IMPG1: variants seen among roughly 807,000 people sequenced by gnomAD.
The protein encoded by IMPG1 is interphotoreceptor matrix proteoglycan of 150 kDa.
Under a neutral mutation model 92.0 loss-of-function variants are expected in IMPG1, and 85 were observed. The observed-to-expected ratio is 0.92, with a 90% confidence interval of 0.78 to 1.11. The LOEUF is 1.11. IMPG1 is among the 50% of genes least tolerant of loss of function. The pLI is 0.00. For missense variants in IMPG1, 1,022 were observed against 956.0 expected (o/e 1.07, Z -0.91); for synonymous variants, 367 against 334.1 (o/e 1.10, Z -1.08).
At chr6:75,979,597 A>T (rs978606610) in intron 12 of IMPG1, among the ~76,000 whole-genome samples, 1 of 152,302 alleles carries the variant, frequency 6.6e-6, no homozygotes, top group East Asian at 1.9e-4. Context: ...TCTACTAACA[A>T]TCTCCTTCTC....
chr6:76,032,905 G>A (rs1476369244), intron 4 of IMPG1, among the ~76,000 whole-genome samples: 2 of 152,196 alleles, frequency 1.3e-5, no homozygotes, highest in Non-Finnish European at 2.9e-5. Flanking sequence ...AGGTCAGGAG[G>A]TGAAAGGTCT....
intron 12 of IMPG1, among the ~76,000 whole-genome samples, chr6:75,967,683 C>G (rs1234657156): frequency 6.6e-6 from 1 of 151,832 alleles, no homozygotes. Flanking sequence ...GAAAACAAAA[C>G]AAAACAAAAA....
rs79766540 is a variant in IMPG1 at position 75,950,871 on chromosome 6, G to A, written c.1515C>T (p.Asp505=). 15 of 1,613,886 alleles carry A rather than the reference G, an allele frequency of 9.3e-6. No individual in the cohort carries two copies. In the East Asian group the frequency reaches 3.3e-4, roughly 36 times the overall value. The change falls in exon 13 of 17, where the codon GAC becomes GAT. Residue 505 remains aspartate, a synonymous_variant. Transcript: ENST00000369950. ...CTTCGCCACCTGCACTTGATCGGCT[G>A]TCATCTGAAGATGCAGGTGGATGTG... ...GISHPPASSD[D]SRSSAGGEDM...
At chr6:76,018,931 T>G in intron 6 of IMPG1, 73 bp from the exon 7 acceptor site, 1 of 1,345,766 alleles carries the variant, frequency 7.4e-7, no homozygotes, top group Non-Finnish European at 1.0e-6. Flanking sequence ...AGATAATATA[T>G]GTTGATACTG....
chr6:76,003,580 A>G (rs549217663), intron 11 of IMPG1, among the ~76,000 whole-genome samples: 19 of 152,284 alleles, frequency 1.2e-4, no homozygotes, highest in African/African-American at 4.1e-4. Context: ...GTTCATGAAA[A>G]TTTGTTTGTT....
At chr6:75,962,212 C>T (rs1782222585) in intron 12 of IMPG1, among the ~76,000 whole-genome samples, 1 of 152,068 alleles carries the variant, frequency 6.6e-6, no homozygotes, top group South Asian at 2.1e-4. Flanking sequence ...CTTAAACTCC[C>T]TGTCTCAAGC....
intron 1 of IMPG1, among the ~76,000 whole-genome samples, chr6:76,048,690 CCTCT>C (rs1198566899): frequency 1.3e-5 from 2 of 152,126 alleles, no homozygotes; most frequent in Non-Finnish European, 2.9e-5. Context: ...TTAAAAAAAT[CCTCT>C]CTCTATAGCA....
Position 76,018,863 on chromosome 6 carries a change from G to C in IMPG1, c.667-5C>G. 1.3e-6 allele frequency: 2 copies of C among 1,512,848 alleles called. No homozygotes were observed. Among genetic ancestry groups the C allele is most frequent in the Admixed American group, 2.2e-5 (1 of 45,212 alleles). 93.7% of individuals were successfully genotyped at this position (1,512,848 alleles called of 1,614,324 possible). On this transcript the variant is annotated splice_polypyrimidine_tract_variant and splice_region_variant and intron_variant, in intron 6 of 16. Transcript: ENST00000369950. ...AGCGAATTCTGTTTCTCTTTCCTGA[G>C]TTTAAAAAAAAAAAAAAGGACTTCT...
intron 12 of IMPG1, among the ~76,000 whole-genome samples, chr6:75,955,456 T>C (rs2149459393): frequency 6.6e-6 from 1 of 152,340 alleles, no homozygotes; most frequent in East Asian, 1.9e-4. Flanking sequence ...TTTTTGCACA[T>C]TGATTTTGTA....
intron 12 of IMPG1, among the ~76,000 whole-genome samples, chr6:75,996,859 TC>T (rs1217296922): frequency 7.9e-5 from 12 of 152,108 alleles, no homozygotes; most frequent in Admixed American, 2.0e-4. Context: ...ATTATGGAAA[TC>T]TAGACTGTTC....
At chr6:76,032,896 G>A (rs929389739) in intron 4 of IMPG1, among the ~76,000 whole-genome samples, 1 of 152,170 alleles carries the variant, frequency 6.6e-6, no homozygotes, top group African/African-American at 2.4e-5. Flanking sequence ...AAGTTGGAAA[G>A]GTCAGGAGGT....
intron 1 of IMPG1, among the ~76,000 whole-genome samples, chr6:76,069,030 A>G (rs1299237984): frequency 6.6e-6 from 1 of 152,136 alleles, no homozygotes; most frequent in East Asian, 1.9e-4. Context: ...GTACTGATAT[A>G]AAAAGATATA....
chr6:75,996,357 T>G (rs1782902085), intron 12 of IMPG1, among the ~76,000 whole-genome samples: 1 of 152,210 alleles, frequency 6.6e-6, no homozygotes, highest in Non-Finnish European at 1.5e-5. Context: ...CACTATTATC[T>G]GAATATGTAC....
At chr6:75,951,284 C>T (rs1317183055) in intron 12 of IMPG1, among the ~76,000 whole-genome samples, 190 bp from the exon 13 acceptor site, 1 of 151,586 alleles carries the variant, frequency 6.6e-6, no homozygotes, top group Non-Finnish European at 1.5e-5. Flanking sequence ...TATGTCCCAA[C>T]CTAGGGAGAC....
chr6:75,961,204 C>A (rs1782208649), intron 12 of IMPG1, among the ~76,000 whole-genome samples: 1 of 152,144 alleles, frequency 6.6e-6, no homozygotes. Context: ...TATGCTGAAC[C>A]ATAAGCATCA....
chr6:75,922,625 T>G (rs1781448980), intron 16 of IMPG1, among the ~76,000 whole-genome samples: 1 of 152,214 alleles, frequency 6.6e-6, no homozygotes, highest in Non-Finnish European at 1.5e-5. Context: ...TATCACTTCC[T>G]TTTATTTATT....
At chr6:76,069,343 G>T (rs1347706161) in intron 1 of IMPG1, among the ~76,000 whole-genome samples, 1 of 152,042 alleles carries the variant, frequency 6.6e-6, no homozygotes, top group South Asian at 2.1e-4. Context: ...GAACTCAAAA[G>T]CAAATGTAAC....
chr6:76,005,711 A>C (rs1783084480), intron 9 of IMPG1, among the ~76,000 whole-genome samples, 177 bp from the exon 10 acceptor site: 1 of 152,244 alleles, frequency 6.6e-6, no homozygotes, highest in African/African-American at 2.4e-5. Flanking sequence ...AATATGAAAA[A>C]AGAATAAATA....
chr6:75,976,541 A>G (rs1782536772), intron 12 of IMPG1, among the ~76,000 whole-genome samples: 1 of 152,094 alleles, frequency 6.6e-6, no homozygotes, highest in African/African-American at 2.4e-5. Context: ...AGCCTGGGCG[A>G]CAGAGCGAGA....
Sources: allele counts gnomAD v4.1 joint callset (sites outside exome capture counted in the v4.1 genomes callset), GRCh38; gene constraint gnomAD v4.1.1; transcripts MANE v1.5; gene names NCBI Gene and HGNC (gene_info 2026-07-23, HGNC 2026-07-21).